BAZ2B: variants seen among roughly 807,000 people sequenced by gnomAD.
The protein encoded by BAZ2B is bromodomain adjacent to zinc finger domain protein 2B.
BAZ2B carries 91 observed loss-of-function variants against 246.0 expected under a neutral mutation model. That is an observed-to-expected ratio of 0.37 (90% CI 0.31 to 0.44). The LOEUF is 0.44. BAZ2B is among the 20% of genes least tolerant of loss of function. The pLI is 1.00. For missense variants in BAZ2B, 2,332 were observed against 2,533.7 expected (o/e 0.92, Z 1.71); for synonymous variants, 855 against 860.0 (o/e 0.99, Z 0.10).
the BAZ2B span, among the ~76,000 whole-genome samples, chr2:159,704,194 A>G: frequency 8.3e-4 from 127 of 152,364 alleles, no homozygotes; most frequent in Middle Eastern, 0.044. Flanking sequence ...TAAGCAGTAC[A>G]TATGTCATAT....
upstream of BAZ2B, among the ~76,000 whole-genome samples, chr2:159,617,774 G>GAA (rs200827888): frequency 2.8e-5 from 4 of 144,504 alleles, no homozygotes; most frequent in Non-Finnish European, 6.1e-5. Flanking sequence ...GCTTCATTAG[G>GAA]AAAAAAAAAA....
chr2:159,537,823 A>G (rs2086199866), intron 2 of BAZ2B, among the ~76,000 whole-genome samples: 1 of 151,976 alleles, frequency 6.6e-6, no homozygotes, highest in African/African-American at 2.4e-5. Context: ...TTTTTCCTAT[A>G]TAATTAATGG....
chr2:159,561,145 G>C (rs1254955004), intron 1 of BAZ2B, among the ~76,000 whole-genome samples: 2 of 152,140 alleles, frequency 1.3e-5, no homozygotes, highest in African/African-American at 4.8e-5. Flanking sequence ...GTGTGATATT[G>C]CAGGAAAGTG....
At chr2:159,602,024 C>G (rs1692279085) in intron 1 of BAZ2B, among the ~76,000 whole-genome samples, 1 of 152,072 alleles carries the variant, frequency 6.6e-6, no homozygotes. Context: ...AAGAGTAATT[C>G]AATCAACAGT....
chr2:159,349,319 C>T (rs2058312722), intron 28 of BAZ2B, 39 bp from the exon 29 acceptor site: 3 of 1,498,242 alleles, frequency 2.0e-6, no homozygotes, highest in African/African-American at 1.4e-5. Context: ...AAGTAGATTA[C>T]TCTAAGAAGT....
chr2:159,512,349 C>T (rs2083016839), intron 2 of BAZ2B, among the ~76,000 whole-genome samples: 1 of 152,130 alleles, frequency 6.6e-6, no homozygotes, highest in African/African-American at 2.4e-5. Context: ...ATTGTCACCT[C>T]AAAAGTAAGT....
Position 159,406,686 on chromosome 2 carries a change from A to C in BAZ2B, c.2678-1572T>G, listed in dbSNP as rs909489798. Among the ~76,000 whole-genome samples the C allele has an allele frequency of 3.3e-5, 5 of 152,318 alleles. No homozygotes were observed. In the East Asian group the frequency reaches 9.6e-4, roughly 29 times the overall value. ...AAGGAACATAATTGCTAACACGTGA[A>C]TCACTTGAGCTCTAAAAATTTCCAC... On this transcript the variant is annotated intron_variant, in intron 14 of 36. Coordinates refer to ENST00000392783, the MANE Select transcript of BAZ2B (RefSeq NM_013450.4).
At chr2:159,518,173 C>T (rs2083634631) in intron 2 of BAZ2B, among the ~76,000 whole-genome samples, 2 of 151,870 alleles carry the variant, frequency 1.3e-5, no homozygotes, top group Non-Finnish European at 2.9e-5. Context: ...ATTTAGAGCA[C>T]GATGAAATGA....
At chr2:159,361,428 A>G (rs146224921) in intron 27 of BAZ2B, among the ~76,000 whole-genome samples, 7,402 of 152,230 alleles carry the variant, frequency 0.049, 347 homozygotes, top group African/African-American at 0.12. Context: ...TTAGAATGGC[A>G]ATCATTAAAA....
chr2:159,597,308 C>T (rs1339503502), intron 1 of BAZ2B, among the ~76,000 whole-genome samples: 1 of 152,142 alleles, frequency 6.6e-6, no homozygotes, highest in African/African-American at 2.4e-5. Flanking sequence ...AAATTTCACT[C>T]AACATTGATG....
the BAZ2B span, among the ~76,000 whole-genome samples, chr2:159,625,266 C>T: frequency 2.0e-5 from 3 of 152,066 alleles, no homozygotes; most frequent in South Asian, 2.1e-4. Context: ...TCAGGATATC[C>T]AGGAGAACTT....
chr2:159,428,600 C>G (rs914825493), intron 11 of BAZ2B, among the ~76,000 whole-genome samples, 181 bp from the exon 12 acceptor site: 8 of 152,198 alleles, frequency 5.3e-5, no homozygotes, highest in African/African-American at 1.7e-4. Flanking sequence ...GCTAATTCAA[C>G]TAGAAAATTA....
intron 3 of BAZ2B, chr2:159,464,326 G>C (rs564705302): frequency 6.6e-6 from 1 of 151,968 alleles, no homozygotes; most frequent in Admixed American, 6.6e-5. Flanking sequence ...TGTTTGTTAT[G>C]ACTTTAATAC....
At chr2:159,542,364 C>G (rs1384075447) in intron 2 of BAZ2B, among the ~76,000 whole-genome samples, 1 of 152,116 alleles carries the variant, frequency 6.6e-6, no homozygotes, top group East Asian at 1.9e-4. Flanking sequence ...AGGATAAATT[C>G]AAAGAGATCC....
intron 2 of BAZ2B, among the ~76,000 whole-genome samples, chr2:159,544,149 T>C (rs2087002117): frequency 6.6e-6 from 1 of 152,166 alleles, no homozygotes; most frequent in South Asian, 2.1e-4. Context: ...GGCTTGATCA[T>C]ATTTAGTTTT....
intron 13 of BAZ2B, among the ~76,000 whole-genome samples, chr2:159,416,549 G>C (rs1053386791): frequency 1.3e-5 from 2 of 152,076 alleles, no homozygotes; most frequent in African/African-American, 2.4e-5. Context: ...ATCTGCATTT[G>C]GTTTTTAAAG....
At chr2:159,636,654 G>A in the BAZ2B span, among the ~76,000 whole-genome samples, 1 of 152,160 alleles carries the variant, frequency 6.6e-6, no homozygotes, top group South Asian at 2.1e-4. Flanking sequence ...CCTAATGCTA[G>A]GCTGGGCTTA....
intron 14 of BAZ2B, chr2:159,411,855 T>TA: frequency 1.6e-6 from 1 of 640,294 alleles, no homozygotes; most frequent in Non-Finnish European, 1.9e-6. Flanking sequence ...AAAATATATA[T>TA]ACTATATCTG....
At chr2:159,677,581 A>G in the BAZ2B span, among the ~76,000 whole-genome samples, 1 of 152,192 alleles carries the variant, frequency 6.6e-6, no homozygotes, top group Non-Finnish European at 1.5e-5. Context: ...CTAATTTTGT[A>G]TCTGTCATTA....
Sources: gnomAD v4.1 joint callset for allele counts (sites outside exome capture counted in the v4.1 genomes callset) on GRCh38, gnomAD v4.1.1 for gene constraint, MANE v1.5 for transcripts, NCBI Gene and HGNC (gene_info 2026-07-23, HGNC 2026-07-21) for gene names.